GPC6: variants seen among roughly 807,000 people sequenced by gnomAD.
The protein encoded by GPC6 is glypican-6.
In GPC6, 14 loss-of-function variants were observed where a neutral mutation model predicts 55.2. That is an observed-to-expected ratio of 0.25 (90% confidence interval 0.17 to 0.40). GPC6 has a LOEUF of 0.40. GPC6 is among the 10% of genes least tolerant of loss of function. The pLI, the probability that GPC6 is intolerant of heterozygous loss-of-function variation, is 1.00. For missense variants in GPC6, 641 were observed against 708.5 expected (o/e 0.90, Z 1.08); for synonymous variants, 278 against 259.6 (o/e 1.07, Z -0.68).
chr13:94,210,269 G>A (rs931448969), intron 4 of GPC6, among the ~76,000 whole-genome samples: 12 of 150,214 alleles, frequency 8.0e-5, no homozygotes, highest in South Asian at 6.3e-4. Context: ...CGATTCTCCC[G>A]CCTCAGCCTC....
intron 1 of GPC6, among the ~76,000 whole-genome samples, chr13:93,354,775 C>A (rs1383368322): frequency 1.3e-5 from 2 of 152,060 alleles, no homozygotes; most frequent in Non-Finnish European, 2.9e-5. Context: ...GAAGGTTGTC[C>A]TGGCATTTCT....
intron 4 of GPC6, among the ~76,000 whole-genome samples, chr13:94,169,084 G>A (rs576785590): frequency 1.4e-4 from 22 of 152,182 alleles, no homozygotes; most frequent in Admixed American, 1.4e-3. Flanking sequence ...CAATTAAATT[G>A]TAGTTTTGTC....
intron 2 of GPC6, among the ~76,000 whole-genome samples, chr13:93,678,054 C>G (rs1881712326): frequency 6.6e-6 from 1 of 152,210 alleles, no homozygotes; most frequent in African/African-American, 2.4e-5. Context: ...CCTTCTGCCA[C>G]TGTCTCCTAA....
At chr13:93,856,461 T>C (rs1888613736) in intron 3 of GPC6, among the ~76,000 whole-genome samples, 1 of 151,490 alleles carries the variant, frequency 6.6e-6, no homozygotes. Flanking sequence ...ACTACAAAAA[T>C]ATCAGAATAA....
At chr13:94,301,507 T>G (rs1292040274) in intron 5 of GPC6, among the ~76,000 whole-genome samples, 2 of 152,248 alleles carry the variant, frequency 1.3e-5, no homozygotes, top group Non-Finnish European at 2.9e-5. Flanking sequence ...GCAAAACTTC[T>G]GGAAAATACA....
At chr13:93,563,238 T>G (rs2139461388) in intron 2 of GPC6, among the ~76,000 whole-genome samples, 1 of 152,326 alleles carries the variant, frequency 6.6e-6, no homozygotes, top group East Asian at 1.9e-4. Flanking sequence ...GCTTGACCTG[T>G]TCACATCAAG....
intron 7 of GPC6, among the ~76,000 whole-genome samples, chr13:94,386,736 C>T (rs12873862): frequency 0.091 from 13,899 of 152,242 alleles, 748 homozygotes; most frequent in East Asian, 0.27. Flanking sequence ...GATAGGTCTC[C>T]AATAAACCAG....
chr13:93,586,326 G>T (rs569258702), intron 2 of GPC6, among the ~76,000 whole-genome samples: 1 of 152,264 alleles, frequency 6.6e-6, no homozygotes, highest in East Asian at 1.9e-4. Flanking sequence ...ATTCCATGGT[G>T]TATATGTACC....
intron 4 of GPC6, among the ~76,000 whole-genome samples, chr13:94,165,193 A>ATG (rs113708036): frequency 0.044 from 6,480 of 148,622 alleles, 297 homozygotes; most frequent in East Asian, 0.26. Context: ...TGATATATGT[A>ATG]TGTGTGTGTG....
At chr13:94,082,874 A>G (rs2138798995) in intron 4 of GPC6, among the ~76,000 whole-genome samples, 1 of 152,258 alleles carries the variant, frequency 6.6e-6, no homozygotes, top group East Asian at 1.9e-4. Context: ...GTCTCTAGTA[A>G]TTCTATGAAT....
At position 93,512,436 on chromosome 13, in the gene GPC6, T is replaced by C. The variant is rs546952851; in HGVS notation, c.161-32827T>C. Among the ~76,000 whole-genome samples the C allele has an allele frequency of 2.6e-4, 40 of 152,296 alleles. 1 individual carries two copies. In the South Asian group the frequency reaches 8.1e-3, roughly 31 times the overall value. On this transcript the variant is annotated intron_variant, in intron 1 of 8. Transcript: ENST00000377047. ...GTGTCAGTTGAAATCGTTTTTTCTTTCATTCTATTGACATGATGTATCAGC... is the reference window on the plus strand; with the variant it reads ...GTGTCAGTTGAAATCGTTTTTTCTTCCATTCTATTGACATGATGTATCAGC...
chr13:93,492,227 G>A (rs374274369), intron 1 of GPC6, among the ~76,000 whole-genome samples: 4,857 of 146,570 alleles, frequency 0.033, 98 homozygotes, highest in South Asian at 0.071. Flanking sequence ...TCCTTGAAGA[G>A]GTCCTTCACA....
chr13:94,116,568 C>A (rs1886436960), intron 4 of GPC6, among the ~76,000 whole-genome samples: 1 of 152,062 alleles, frequency 6.6e-6, no homozygotes, highest in African/African-American at 2.4e-5. Context: ...TCTTTCCTGT[C>A]ATATTATCCT....
chr13:93,700,834 G>T (rs1413437289), intron 2 of GPC6, among the ~76,000 whole-genome samples: 2 of 152,200 alleles, frequency 1.3e-5, no homozygotes, highest in Admixed American at 1.3e-4. Context: ...GACTAACCAG[G>T]TCATTTACTT....
intron 4 of GPC6, among the ~76,000 whole-genome samples, chr13:94,035,660 C>A (rs1883308881): frequency 6.6e-6 from 1 of 151,946 alleles, no homozygotes. Flanking sequence ...AGTGAAAAGC[C>A]TTATTTTAAC....
rs1474147754 is a variant in GPC6 at position 93,473,402 on chromosome 13, A to G, written c.161-71861A>G. Among the ~76,000 whole-genome samples the G allele has an allele frequency of 2.6e-5, 4 of 152,252 alleles. No individual in the cohort carries two copies. In the East Asian group the frequency reaches 7.7e-4, roughly 29 times the overall value. ...ACCTGGCTGGGCTGTGATAGCACCC[A>G]TGCTTGGCCCCAACCCCACTACAAG... On this transcript the variant is annotated intron_variant, in intron 1 of 8. Transcript: ENST00000377047.
chr13:94,037,401 C>T (rs970219953), intron 4 of GPC6, among the ~76,000 whole-genome samples: 2 of 151,770 alleles, frequency 1.3e-5, no homozygotes, highest in Admixed American at 1.3e-4. Context: ...TCACTTGCAA[C>T]CATAATATCT....
At chr13:94,179,000 T>A (rs1325687273) in intron 4 of GPC6, among the ~76,000 whole-genome samples, 13 of 152,174 alleles carry the variant, frequency 8.5e-5, no homozygotes, top group Admixed American at 5.9e-4. Context: ...CCTTTCTTGA[T>A]CTTGAAGCCT....
intron 4 of GPC6, among the ~76,000 whole-genome samples, chr13:94,028,233 C>G (rs988618996): frequency 1.3e-5 from 2 of 151,900 alleles, no homozygotes; most frequent in Non-Finnish European, 1.5e-5. Context: ...CCACTGCACT[C>G]CAGCCTGGGT....
Sources: gnomAD v4.1 joint callset for allele counts (sites outside exome capture counted in the v4.1 genomes callset) on GRCh38, gnomAD v4.1.1 for gene constraint, MANE v1.5 for transcripts, NCBI Gene and HGNC (gene_info 2026-07-23, HGNC 2026-07-21) for gene names.